Variants in CAPN15 observed in about 807,000 individuals in gnomAD.
CAPN15 encodes the protein calpain-15.
Under a neutral mutation model 97.9 loss-of-function variants are expected in CAPN15, and 53 were observed. The ratio of observed to expected loss-of-function variants is 0.54; its 90% confidence interval spans 0.43 to 0.68. CAPN15 has a LOEUF of 0.68. Ranked by LOEUF, CAPN15 falls within the 30% of genes least tolerant of loss-of-function variation. CAPN15 has a pLI of 0.00. For synonymous variants in CAPN15, 922 were observed against 722.5 expected (o/e 1.28, Z -4.43); for missense variants, 1,592 against 1,589.8 (o/e 1.00, Z -0.02).
chr16:537,168 G>A (rs2033793682), intron 3 of CAPN15: 1 of 985,486 alleles, frequency 1.0e-6, no homozygotes, highest in East Asian at 1.1e-4. Context: ...CCACGGGAGG[G>A]GACTGTGCTG....
chr16:534,045 G>C, intron 2 of CAPN15, 47 bp downstream of exon 2: 3 of 929,220 alleles, frequency 3.2e-6, no homozygotes, highest in Non-Finnish European at 3.9e-6. Context: ...GTTTGCTTGC[G>C]CTGCAGAACT....
chr16:528,530 G>A (rs933823830), intron 1 of CAPN15, among the ~76,000 whole-genome samples: 2 of 152,234 alleles, frequency 1.3e-5, no homozygotes, highest in East Asian at 1.9e-4. Context: ...AGCCATGCCA[G>A]TGTTCTCTTC....
At chr16:550,770 G>A (rs1275369766) in intron 7 of CAPN15, among the ~76,000 whole-genome samples, 4 of 121,492 alleles carry the variant, frequency 3.3e-5, no homozygotes, top group African/African-American at 1.1e-4. Flanking sequence ...GTCCCCTGCC[G>A]GTGAGGGTCC....
intron 3 of CAPN15, among the ~76,000 whole-genome samples, 159 bp downstream of exon 3, chr16:536,301 G>T (rs971032094): frequency 5.9e-5 from 9 of 152,216 alleles, no homozygotes; most frequent in Non-Finnish European, 1.0e-4. Flanking sequence ...GTCCCTGGGG[G>T]TGGCTGCTGG....
rs773791749 is a variant in CAPN15 at position 552,953 on chromosome 16, C to G, written c.2995C>G (p.His999Asp). 6.2e-7 allele frequency: 1 copy of G among 1,611,918 alleles called. No homozygotes were observed. Among genetic ancestry groups the G allele is most frequent in the Admixed American group, 1.7e-5 (1 of 59,966 alleles). ...GAACCGACACCCCAAGGCCTACCTG[C>G]ACGTGCAGTGTGACTGCACCGACAG... ...VENRHPKAYL[H>D]VQCDCTDSFN... Residue 999 changes from histidine (H) to aspartate (D), a missense_variant, in exon 13 of 14, where the codon CAC becomes GAC. By Grantham distance (81) the His-to-Asp change is moderately conservative. This residue lies in a region of CAPN15 where 644 missense variants were observed against 699.6 expected (regional missense o/e 0.92). Transcript: ENST00000219611. The surrounding 1 kb of genome is among the most constrained non-coding windows in gnomAD (Gnocchi z 6.4).
At chr16:542,272 T>C (rs2034172879) in intron 3 of CAPN15, among the ~76,000 whole-genome samples, 1 of 151,570 alleles carries the variant, frequency 6.6e-6, no homozygotes, top group Non-Finnish European at 1.5e-5. Flanking sequence ...CGTGGACCTG[T>C]TTTCATTTAT....
In CAPN15 at chr16:547,052, G is replaced by T; in HGVS notation, c.214G>T (p.Glu72Ter). The T allele has an allele frequency of 6.2e-7, 1 of 1,606,350 alleles. No homozygotes were observed. ...EACEVCGFTP[E>*]PAPGAAFLPV... ...CTGCGAGGTGTGCGGCTTCACCCCG[G>T]AGCCTGCGCCTGGGGCTGCCTTCCT... The change falls in exon 4 of 14, where the codon GAG (glutamate) becomes TAG (stop). Residue 72 changes from glutamate to a stop codon, truncating the protein, a stop_gained. Transcript: ENST00000219611. LOFTEE classifies it high-confidence loss of function.
chr16:553,119 G>GCCC (rs1359379553), intron 13 of CAPN15, 78 bp downstream of exon 13: 128 of 618,414 alleles, frequency 2.1e-4, no homozygotes, highest in Middle Eastern at 1.0e-3. Flanking sequence ...CCCAACTCGT[G>GCCC]CCCCCCCACC....
intron 3 of CAPN15, chr16:540,298 G>C: frequency 1.0e-6 from 1 of 985,442 alleles, no homozygotes; most frequent in Non-Finnish European, 1.2e-6. Flanking sequence ...GTGTAGGAGC[G>C]GCCCAGGGGG....
Position 542,399 on chromosome 16 carries a change from C to T in CAPN15, c.-22-4418C>T, listed in dbSNP as rs559902292. Among the ~76,000 whole-genome samples, 60 of 152,222 alleles carry T rather than the reference C, an allele frequency of 3.9e-4. No individual in the cohort carries two copies. In the South Asian group the frequency reaches 8.3e-3, roughly 21 times the overall value. On this transcript the variant is annotated intron_variant, in intron 3 of 13. Transcript: ENST00000219611. ...TGCATTACCTAGTTCCCACCGGCAACGCTGGGGAGGGTCCTGGCGTCTCCA... is the reference window on the plus strand; with the variant it reads ...TGCATTACCTAGTTCCCACCGGCAATGCTGGGGAGGGTCCTGGCGTCTCCA...
chr16:549,028 C>G lies in CAPN15; in HGVS notation c.1485C>G (p.Pro495=), dbSNP rs148686276. 1 of 1,612,624 alleles carries G rather than the reference C, an allele frequency of 6.2e-7. No homozygotes were observed. Among genetic ancestry groups the G allele is most frequent in the East Asian group, 2.2e-5 (1 of 44,894 alleles). ...NVSFVDDSFP[P]GPESVGFPAG... ...GCTTCGTGGATGACAGCTTCCCTCCCGGGCCCGAGTCTGTCGGCTTCCCCG... is the reference window on the plus strand; with the variant it reads ...GCTTCGTGGATGACAGCTTCCCTCCGGGGCCCGAGTCTGTCGGCTTCCCCG... The change falls in exon 5 of 14, where the codon CCC becomes CCG. Residue 495 remains proline, a synonymous_variant. Coordinates refer to ENST00000219611, the MANE Select transcript of CAPN15 (RefSeq NM_005632.3).
chr16:538,369 A>C (rs1347447599), intron 3 of CAPN15: 2 of 152,002 alleles, frequency 1.3e-5, no homozygotes, highest in Non-Finnish European at 2.9e-5. Context: ...GACCAGGCTT[A>C]GGGCTGGGCT....
intron 3 of CAPN15, 143 bp from the exon 4 acceptor site, chr16:546,674 G>A (rs1209318196): frequency 1.2e-5 from 14 of 1,143,668 alleles, no homozygotes; most frequent in African/African-American, 3.1e-5. Context: ...CCCCACCGCC[G>A]CCTGCCTCAA....
intron 3 of CAPN15, among the ~76,000 whole-genome samples, chr16:542,906 C>A (rs897824690): frequency 6.6e-6 from 1 of 152,158 alleles, no homozygotes; most frequent in Non-Finnish European, 1.5e-5. Context: ...CAAAAATTAG[C>A]TGGGCGTGGT....
intron 3 of CAPN15, chr16:540,247 G>T: frequency 3.0e-6 from 3 of 985,460 alleles, no homozygotes; most frequent in Non-Finnish European, 3.6e-6. Context: ...CAGCTTCCCC[G>T]GGGGACCGCC....
In CAPN15 at chr16:536,148, C is replaced by T. The variant is rs1471111467; in HGVS notation, c.-23+6C>T. The T allele has an allele frequency of 3.8e-5, 35 of 925,926 alleles. No homozygotes were observed. The highest frequency in any genetic ancestry group is 4.3e-5 in the Non-Finnish European group (33 of 775,726). 57.4% of individuals were successfully genotyped at this position (925,926 alleles called of 1,614,324 possible). On this transcript the variant is annotated splice_donor_region_variant and intron_variant, in intron 3 of 13. Coordinates refer to ENST00000219611, the MANE Select transcript of CAPN15 (RefSeq NM_005632.3). ...GCCGGACCTGGGAGTGGCAGGTGAG[C>T]GTTCCTCCCAAGAGCCTCTGGCTGG...
At position 536,158 on chromosome 16, in the gene CAPN15, A is replaced by G; in HGVS notation, c.-23+16A>G. On this transcript the variant is annotated intron_variant, in intron 3 of 13. Transcript: ENST00000219611. ...GGAGTGGCAGGTGAGCGTTCCTCCC[A>G]AGAGCCTCTGGCTGGCCGCAGCAGG... The G allele has an allele frequency of 2.3e-6, 2 of 861,252 alleles. No homozygotes were observed. The highest frequency in any genetic ancestry group is 2.8e-6 in the Non-Finnish European group (2 of 716,542). 53.4% of individuals were successfully genotyped at this position (861,252 alleles called of 1,614,324 possible).
rs2035292606 is a variant in CAPN15, at chr16:554,175, C to T, written c.*659C>T. The T allele has an allele frequency of 3.7e-6, 1 of 273,660 alleles. No individual in the cohort carries two copies. The highest frequency in any genetic ancestry group is 7.2e-6 in the Non-Finnish European group (1 of 138,798). The allele number at this position is 273,660 out of a possible 1,614,324, so 17.0% of individuals were successfully genotyped here. On this transcript the variant is annotated 3_prime_UTR_variant, in exon 14 of 14. Coordinates refer to ENST00000219611, the MANE Select transcript of CAPN15 (RefSeq NM_005632.3). ...GTGGGTGGGCACCAGTTCTCAGCAC[C>T]GCTCACTGCTGCCGGGCACACTGGG...
rs2034517338 is a variant in CAPN15, at chr16:545,404, A to G, written c.-22-1413A>G. ...ACCGAGAGAGGCCGGCACAGCGCAG[A>G]CTGCGGGGTCAGTGACACTCCCCTC... is the stretch of plus-strand genomic sequence containing the variant. On this transcript the variant is annotated intron_variant, in intron 3 of 13. Transcript: ENST00000219611. Among the ~76,000 whole-genome samples the G allele has an allele frequency of 2.0e-5, 3 of 151,604 alleles. No individual in the cohort carries two copies. The South Asian group carries it at 6.2e-4, about 32-fold the overall frequency.
Sources: gnomAD v4.1 joint callset for allele counts (sites outside exome capture counted in the v4.1 genomes callset) on GRCh38, gnomAD v4.1.1 for gene constraint, gnomAD v4.1.1 regional missense constraint, Gnocchi (gnomAD v3.1) non-coding constraint, MANE v1.5 for transcripts, NCBI Gene and HGNC (gene_info 2026-07-23, HGNC 2026-07-21) for gene names.